Variants in ADK observed in about 807,000 individuals in gnomAD.
ADK encodes the protein adenosine kinase.
ADK carries 24 observed loss-of-function variants against 44.7 expected under a neutral mutation model. That is an observed-to-expected ratio of 0.54 (90% CI 0.39 to 0.76). The LOEUF is 0.76. Among genes scored for constraint, ADK ranks in the 30% least tolerant of loss-of-function variants. The pLI, the probability that ADK is intolerant of heterozygous loss-of-function variation, is 0.00. For missense variants in ADK, 321 were observed against 425.1 expected (o/e 0.76, Z 2.15); for synonymous variants, 128 against 142.6 (o/e 0.90, Z 0.73).
At chr10:74,195,818 A>G (rs1430005090) in intron 1 of ADK, among the ~76,000 whole-genome samples, 2 of 148,542 alleles carry the variant, frequency 1.3e-5, no homozygotes, top group East Asian at 4.0e-4. Flanking sequence ...CTGGGGCTAT[A>G]GGCACATGCC....
At chr10:74,619,588 A>T (rs1852908376) in intron 9 of ADK, among the ~76,000 whole-genome samples, 1 of 152,010 alleles carries the variant, frequency 6.6e-6, no homozygotes, top group Non-Finnish European at 1.5e-5. Flanking sequence ...TTTCTAACAT[A>T]TTAATCATAG....
At chr10:74,619,855 G>A (rs1282434493) in intron 9 of ADK, among the ~76,000 whole-genome samples, 1 of 151,954 alleles carries the variant, frequency 6.6e-6, no homozygotes, top group East Asian at 1.9e-4. Context: ...TGAGTAGCTG[G>A]GACTACAGGC....
chr10:74,343,640 C>T (rs1387060801), intron 4 of ADK, among the ~76,000 whole-genome samples: 1 of 152,140 alleles, frequency 6.6e-6, no homozygotes, highest in Non-Finnish European at 1.5e-5. Flanking sequence ...CGGAGTTTCG[C>T]TCTTGTTGCC....
chr10:74,546,944 T>A (rs1185765174), intron 7 of ADK, among the ~76,000 whole-genome samples: 2 of 152,148 alleles, frequency 1.3e-5, no homozygotes, highest in Non-Finnish European at 2.9e-5. Context: ...AAGAAAAAAT[T>A]AAAATTAACA....
chr10:74,647,015 A>G (rs1240218380), intron 9 of ADK, among the ~76,000 whole-genome samples: 1 of 152,118 alleles, frequency 6.6e-6, no homozygotes, highest in Non-Finnish European at 1.5e-5. Context: ...TCTCCTCCCC[A>G]TCTCAAATTA....
chr10:74,688,385 A>G (rs1855867632), intron 10 of ADK, among the ~76,000 whole-genome samples: 1 of 152,210 alleles, frequency 6.6e-6, no homozygotes, highest in Non-Finnish European at 1.5e-5. Context: ...TTACCAGCGT[A>G]TCCCCGGGAC....
intron 6 of ADK, among the ~76,000 whole-genome samples, chr10:74,431,066 C>CAAA (rs35141788): frequency 0.012 from 636 of 55,144 alleles, 13 homozygotes; most frequent in Middle Eastern, 0.015. Context: ...GACTCCGTCT[C>CAAA]AAAAAAAAAA....
intron 6 of ADK, among the ~76,000 whole-genome samples, chr10:74,467,005 A>G (rs1168772153): frequency 6.6e-6 from 1 of 152,198 alleles, no homozygotes; most frequent in East Asian, 1.9e-4. Flanking sequence ...CCATGTATAT[A>G]TGTATCTTAA....
intron 1 of ADK, among the ~76,000 whole-genome samples, chr10:74,180,138 A>G (rs372008346): frequency 2.0e-5 from 3 of 151,856 alleles, no homozygotes; most frequent in African/African-American, 4.8e-5. Context: ...AATGAGGACC[A>G]ATGGTCAGAA....
chr10:74,514,596 G>T, intron 6 of ADK, among the ~76,000 whole-genome samples: 1 of 151,572 alleles, frequency 6.6e-6, no homozygotes, highest in Non-Finnish European at 1.5e-5. Context: ...TAGGATTTCT[G>T]CTTCATTCTT....
chr10:74,336,703 G>A (rs1355901669), intron 4 of ADK, among the ~76,000 whole-genome samples: 2 of 152,052 alleles, frequency 1.3e-5, no homozygotes, highest in Non-Finnish European at 2.9e-5. Context: ...GACCCTCTGT[G>A]GATACCAAAT....
intron 3 of ADK, among the ~76,000 whole-genome samples, chr10:74,299,648 G>A (rs1839935586): frequency 6.6e-6 from 1 of 150,854 alleles, no homozygotes; most frequent in African/African-American, 2.4e-5. Context: ...AGAAAAAAGG[G>A]TTAATTGGAG....
chr10:74,373,870 C>T (rs1205226952), intron 4 of ADK, among the ~76,000 whole-genome samples: 1 of 152,070 alleles, frequency 6.6e-6, no homozygotes, highest in African/African-American at 2.4e-5. Flanking sequence ...ATAGCCTAAA[C>T]ATGGAAACAA....
chr10:74,286,853 A>T (rs536965990), intron 3 of ADK, among the ~76,000 whole-genome samples: 4 of 152,186 alleles, frequency 2.6e-5, no homozygotes, highest in South Asian at 2.1e-4. Flanking sequence ...TTTAAAACAA[A>T]TTTTTTTATT....
intron 10 of ADK, among the ~76,000 whole-genome samples, chr10:74,703,309 C>A (rs12784339): frequency 1.3e-5 from 2 of 151,708 alleles, no homozygotes; most frequent in African/African-American, 4.8e-5. Flanking sequence ...TGACAAAACC[C>A]CATCTACTAA....
At chr10:74,640,890 A>G (rs1057194231) in intron 9 of ADK, among the ~76,000 whole-genome samples, 2 of 152,276 alleles carry the variant, frequency 1.3e-5, no homozygotes, top group Admixed American at 1.3e-4. Flanking sequence ...CTTATTTCAT[A>G]GAGACCATTC....
At chr10:74,194,744 C>T (rs1049785002) in intron 1 of ADK, among the ~76,000 whole-genome samples, 1 of 152,002 alleles carries the variant, frequency 6.6e-6, no homozygotes, top group Non-Finnish European at 1.5e-5. Flanking sequence ...AAGATGATGT[C>T]GTTACTAGTA....
At chr10:74,646,551 G>C (rs192298786) in intron 9 of ADK, among the ~76,000 whole-genome samples, 84 of 152,284 alleles carry the variant, frequency 5.5e-4, no homozygotes, top group Non-Finnish European at 1.0e-3. Flanking sequence ...AAAAAGCTAT[G>C]GTGGCCAAAG....
intron 4 of ADK, among the ~76,000 whole-genome samples, chr10:74,365,301 G>T (rs559928619): frequency 2.0e-5 from 3 of 152,070 alleles, no homozygotes; most frequent in Admixed American, 6.6e-5. Context: ...AGCTAGCCCC[G>T]TTCATCCATT....
Sources: allele counts gnomAD v4.1 joint callset (sites outside exome capture counted in the v4.1 genomes callset), GRCh38; gene constraint gnomAD v4.1.1; transcripts MANE v1.5; gene names NCBI Gene and HGNC (gene_info 2026-07-23, HGNC 2026-07-21).